The following NR3C2 variants were observed in gnomAD, a reference collection of about 807,000 sequenced individuals.
NR3C2 encodes the protein mineralocorticoid receptor.
A neutral mutation model predicts 86.4 loss-of-function variants in NR3C2; 15 were observed. The observed-to-expected ratio is 0.17, with a 90% confidence interval of 0.12 to 0.27. NR3C2 has a LOEUF of 0.27. Among genes scored for constraint, NR3C2 ranks in the 10% least tolerant of loss-of-function variants. The pLI is 1.00. For synonymous variants in NR3C2, 458 were observed against 450.5 expected (o/e 1.02, Z -0.21); for missense variants, 960 against 1,195.6 (o/e 0.80, Z 2.91).
intron 2 of NR3C2, among the ~76,000 whole-genome samples, chr4:148,260,417 C>T (rs772749197): frequency 2.0e-5 from 3 of 152,134 alleles, no homozygotes; most frequent in Non-Finnish European, 4.4e-5. Context: ...ACACTATTTG[C>T]ACTTTAAGTG....
chr4:148,240,915 G>A (rs1186084848), intron 3 of NR3C2, among the ~76,000 whole-genome samples: 1 of 152,114 alleles, frequency 6.6e-6, no homozygotes, highest in Non-Finnish European at 1.5e-5. Context: ...CTTTCTCACT[G>A]CCTCCTGGAT....
chr4:148,216,310 G>GAAAT (rs1454707115), intron 3 of NR3C2, among the ~76,000 whole-genome samples: 2 of 152,042 alleles, frequency 1.3e-5, no homozygotes, highest in Admixed American at 1.3e-4. Flanking sequence ...GACCAAAGAA[G>GAAAT]AAATAGCATT....
At chr4:148,140,550 A>T (rs1733559314) in intron 6 of NR3C2, among the ~76,000 whole-genome samples, 1 of 150,860 alleles carries the variant, frequency 6.6e-6, no homozygotes, top group Admixed American at 6.7e-5. Flanking sequence ...AAAAAGAAAG[A>T]AATTTGCTCC....
At chr4:148,373,470 C>CTTTTTTTTTTTTTTTTT (rs774726733) in intron 2 of NR3C2, among the ~76,000 whole-genome samples, 1 of 129,796 alleles carries the variant, frequency 7.7e-6, no homozygotes. Flanking sequence ...TAAAGGATGA[C>CTTTTTTTTTTTTTTTTT]TTTTTTTTTC....
intron 2 of NR3C2, among the ~76,000 whole-genome samples, chr4:148,304,329 T>C (rs1212715516): frequency 1.4e-4 from 3 of 21,160 alleles, no homozygotes; most frequent in African/African-American, 5.0e-4. Context: ...TTGTTGTTGC[T>C]TTTTTTTTTT....
chr4:148,360,367 G>A (rs1745777794), intron 2 of NR3C2, among the ~76,000 whole-genome samples: 1 of 152,146 alleles, frequency 6.6e-6, no homozygotes. Context: ...AACTAAAAGT[G>A]GATCATAGCA....
intron 3 of NR3C2, among the ~76,000 whole-genome samples, chr4:148,223,326 G>C (rs866549081): frequency 5.3e-5 from 8 of 152,106 alleles, no homozygotes; most frequent in African/African-American, 1.9e-4. Flanking sequence ...GGAACCACTC[G>C]TTTGACCCTC....
intron 2 of NR3C2, among the ~76,000 whole-genome samples, chr4:148,299,868 G>T (rs1468062234): frequency 1.3e-5 from 2 of 152,038 alleles, no homozygotes; most frequent in Non-Finnish European, 2.9e-5. Context: ...ACTTTTAAAA[G>T]AAAGGTCCTT....
intron 6 of NR3C2, among the ~76,000 whole-genome samples, chr4:148,142,759 C>T (rs1578932654): frequency 6.6e-6 from 1 of 152,192 alleles, no homozygotes; most frequent in African/African-American, 2.4e-5. Context: ...CATGGCCTCC[C>T]GAAGTGTTGG....
At chr4:148,206,811 T>C (rs1391168575) in intron 3 of NR3C2, among the ~76,000 whole-genome samples, 3 of 152,118 alleles carry the variant, frequency 2.0e-5, no homozygotes, top group Admixed American at 6.6e-5. Context: ...GGAGCAGCCA[T>C]GGAAATATGA....
intron 8 of NR3C2, among the ~76,000 whole-genome samples, chr4:148,101,193 C>T (rs1731520061): frequency 6.6e-6 from 1 of 152,152 alleles, no homozygotes; most frequent in Non-Finnish European, 1.5e-5. Flanking sequence ...AATAAAAAAG[C>T]ATAAACTCCT....
rs574487118 is a variant in NR3C2 at position 148,388,221 on chromosome 4, T to C, written c.1757+46883A>G. On this transcript the variant is annotated intron_variant, in intron 2 of 8. Coordinates refer to ENST00000358102, the MANE Select transcript of NR3C2 (RefSeq NM_000901.5). The stretch of plus-strand genomic sequence containing the variant: ...AAATCCAGTATTTTAGGGAAAACAA[T>C]AAAGTACAGACTGAACATGCTACAT... 4.6e-5 allele frequency among the ~76,000 whole-genome samples: 7 copies of C among 152,296 alleles called. No homozygotes were observed. In the East Asian group the frequency reaches 9.6e-4, roughly 21 times the overall value.
intron 7 of NR3C2, among the ~76,000 whole-genome samples, chr4:148,118,289 C>T (rs1045858320): frequency 3.9e-5 from 6 of 152,156 alleles, no homozygotes; most frequent in African/African-American, 1.4e-4. Context: ...GGCACCTGCA[C>T]GATGCCTAAT....
chr4:148,111,788 A>G lies in NR3C2; in HGVS notation c.2799+2316T>C, dbSNP rs78331294. 2.0e-3 allele frequency among the ~76,000 whole-genome samples: 299 copies of G among 152,352 alleles called. 3 individuals carry two copies. The highest frequency in any genetic ancestry group is 4.7e-3 in the African/African-American group (194 of 41,580). Reference sequence around the variant, plus strand: ...ATGTAACACCAGAAAATGCAAACTAATCTCGATTCACAGAGCGATATAGAA... The same window carrying G: ...ATGTAACACCAGAAAATGCAAACTAGTCTCGATTCACAGAGCGATATAGAA... On this transcript the variant is annotated intron_variant, in intron 8 of 8. Coordinates refer to ENST00000358102, the MANE Select transcript of NR3C2 (RefSeq NM_000901.5).
intron 2 of NR3C2, among the ~76,000 whole-genome samples, chr4:148,302,449 G>A (rs1380199481): frequency 2.0e-5 from 3 of 152,080 alleles, no homozygotes; most frequent in Non-Finnish European, 4.4e-5. Context: ...TCTCTGCCTG[G>A]CTTCTCCAGA....
intron 2 of NR3C2, among the ~76,000 whole-genome samples, chr4:148,295,463 C>T (rs2149913624): frequency 6.6e-6 from 1 of 150,968 alleles, no homozygotes; most frequent in Non-Finnish European, 1.5e-5. Context: ...ACTCTAGAGA[C>T]TAAATCCACA....
chr4:148,332,915 T>C (rs1007058765), intron 2 of NR3C2, among the ~76,000 whole-genome samples: 2 of 152,198 alleles, frequency 1.3e-5, no homozygotes, highest in Non-Finnish European at 2.9e-5. Flanking sequence ...CTTTTCCATG[T>C]GTTTTAACTT....
intron 7 of NR3C2, among the ~76,000 whole-genome samples, chr4:148,117,016 T>C (rs1560930017): frequency 6.6e-6 from 1 of 152,226 alleles, no homozygotes; most frequent in Non-Finnish European, 1.5e-5. Flanking sequence ...TTTCAGTGAA[T>C]TTAAAGATTA....
At chr4:148,386,710 A>G (rs1747278724) in intron 2 of NR3C2, among the ~76,000 whole-genome samples, 1 of 152,202 alleles carries the variant, frequency 6.6e-6, no homozygotes, top group South Asian at 2.1e-4. Flanking sequence ...AATTTCTATT[A>G]CACTACAAAT....
Sources: gnomAD v4.1 joint callset for allele counts (sites outside exome capture counted in the v4.1 genomes callset) on GRCh38, gnomAD v4.1.1 for gene constraint, MANE v1.5 for transcripts, NCBI Gene and HGNC (gene_info 2026-07-23, HGNC 2026-07-21) for gene names.